The following DDX21 variants were observed in gnomAD, a reference collection of about 807,000 sequenced individuals.
DDX21 encodes nucleolar RNA helicase 2.
A neutral mutation model predicts 90.0 loss-of-function variants in DDX21; 18 were observed. The observed-to-expected ratio is 0.20, with a 90% CI of 0.14 to 0.30. The LOEUF (loss-of-function observed/expected upper bound fraction) is 0.30, where lower values mean the gene tolerates loss of function less well. Ranked by LOEUF, DDX21 falls within the 10% of genes least tolerant of loss-of-function variation. The pLI is 1.00. For synonymous variants in DDX21, 294 were observed against 318.0 expected, an observed-to-expected ratio of 0.92 and a Z score of 0.80; for missense variants, 673 against 944.5, an observed-to-expected ratio of 0.71 and a Z score of 3.77.
At chr10:68,972,117 A>G (rs1195418196) in intron 9 of DDX21, 65 bp downstream of exon 9, 1 of 1,531,582 alleles carries the variant, frequency 6.5e-7, no homozygotes, top group Admixed American at 2.0e-5. Flanking sequence ...CAAATTGGAA[A>G]TTGTATTATT....
In DDX21 at chr10:68,960,144, A is replaced by G; in HGVS notation, c.426A>G (p.Glu142=). 2 of 1,614,206 alleles carry G rather than the reference A, an allele frequency of 1.2e-6. No homozygotes were observed. The highest frequency in any genetic ancestry group is 2.2e-5 in the South Asian group (2 of 91,086). ...KMKKEKEMNG[E]TREKSPKLKN... ...AGAAAGAAAAGGAAATGAATGGAGA[A>G]ACTAGAGAGAAAAGCCCCAAACTGA... The change falls in exon 2 of 15, where the codon GAA becomes GAG. Residue 142 remains glutamate (E), a synonymous_variant. Transcript: ENST00000354185.
chr10:68,979,719 T>G (rs1262731893), intron 13 of DDX21, among the ~76,000 whole-genome samples: 1 of 152,208 alleles, frequency 6.6e-6, no homozygotes, highest in Non-Finnish European at 1.5e-5. Context: ...CGGATTTATC[T>G]TCAACTTATT....
At chr10:68,980,832 C>CAAAAAAA (rs11340675) in intron 13 of DDX21, among the ~76,000 whole-genome samples, 2 of 99,622 alleles carry the variant, frequency 2.0e-5, no homozygotes, top group Non-Finnish European at 2.1e-5. Context: ...CTGTCTCTAC[C>CAAAAAAA]AAAAAAAAAA....
rs987290671 is a variant in DDX21 at position 68,973,536 on chromosome 10, C to T, written c.1549-9C>T. The T allele has an allele frequency of 6.2e-7, 1 of 1,613,792 alleles. No homozygotes were observed. The highest frequency in any genetic ancestry group is 1.3e-5 in the African/African-American group (1 of 74,874). ...GGTTTAGTGTTACTCATGTATTTTA[C>T]TTCAATAGGATGTAGAGTCCTACAT... On this transcript the variant is annotated splice_polypyrimidine_tract_variant and intron_variant, in intron 9 of 14. Coordinates refer to ENST00000354185, the MANE Select transcript of DDX21 (RefSeq NM_004728.4).
intron 5 of DDX21, among the ~76,000 whole-genome samples, 182 bp from the exon 6 acceptor site, chr10:68,966,836 A>C (rs1396019856): frequency 6.6e-6 from 1 of 152,052 alleles, no homozygotes; most frequent in Non-Finnish European, 1.5e-5. Context: ...TTTCACTTCT[A>C]ATGTTTTTCC....
intron 14 of DDX21, among the ~76,000 whole-genome samples, chr10:68,981,875 A>ATG (rs1843197199): frequency 1.3e-5 from 2 of 150,634 alleles, no homozygotes; most frequent in Middle Eastern, 3.4e-3. Flanking sequence ...GTGTGTGTGC[A>ATG]TGTGTGTGTG....
Position 68,972,815 on chromosome 10 carries a change from T to C in DDX21, c.1549-730T>C, listed in dbSNP as rs76841121. Reference sequence around the variant, plus strand: ...TAACTTTTTATTATGCGGTCTGGATTTTGAAGACTTACGAAAAAATACAAA... The same window carrying C: ...TAACTTTTTATTATGCGGTCTGGATCTTGAAGACTTACGAAAAAATACAAA... On this transcript the variant is annotated intron_variant, in intron 9 of 14. Transcript: ENST00000354185. Among the ~76,000 whole-genome samples, 336 of 152,304 alleles carry C rather than the reference T, an allele frequency of 2.2e-3. 2 individuals are homozygous for C. Among genetic ancestry groups the C allele is most frequent in the African/African-American group, 7.6e-3 (314 of 41,562 alleles).
At chr10:68,970,500 T>C (rs1037532696) in intron 8 of DDX21, 150 bp downstream of exon 8, 4 of 858,838 alleles carry the variant, frequency 4.7e-6, no homozygotes, top group Non-Finnish European at 6.8e-6. Flanking sequence ...TTTTTTTTTT[T>C]TTTAATTGAG....
chr10:68,963,606 A>T, intron 4 of DDX21, 137 bp downstream of exon 4: 1 of 600,076 alleles, frequency 1.7e-6, no homozygotes, highest in Non-Finnish European at 2.7e-6. Flanking sequence ...ATGTGAAAGT[A>T]ATCCAGGACA....
chr10:68,973,647 C>G lies in DDX21; in HGVS notation c.1651C>G (p.Gln551Glu), dbSNP rs769025450. ...GCACAAGGAAGAATATCAGTTAGTA[C>G]AAGTGGAGCAAAAAGCGGTAAAACT... is the stretch of plus-strand genomic sequence containing the variant. ...YQHKEEYQLVQVEQKAGIKFK... is the reference protein window; with the variant it reads ...YQHKEEYQLVEVEQKAGIKFK... The change falls in exon 10 of 15, where the codon CAA becomes GAA. Residue 551 changes from glutamine (Q) to glutamate (E), a missense_variant. Coordinates refer to ENST00000354185, the MANE Select transcript of DDX21 (RefSeq NM_004728.4). The G allele has an allele frequency of 5.0e-6, 8 of 1,613,694 alleles. No individual in the cohort carries two copies. The highest frequency in any genetic ancestry group is 6.8e-6 in the Non-Finnish European group (8 of 1,179,826).
intron 8 of DDX21, among the ~76,000 whole-genome samples, chr10:68,970,955 A>ATT (rs56314802): frequency 0.082 from 5,917 of 72,558 alleles, 1,223 homozygotes; most frequent in Non-Finnish European, 0.11. Flanking sequence ...GCCCAGCCTA[A>ATT]TTTTTTTTTT....
At chr10:68,978,247 G>T (rs1377702985) in intron 12 of DDX21, among the ~76,000 whole-genome samples, 1 of 152,166 alleles carries the variant, frequency 6.6e-6, no homozygotes. Context: ...GGCTAGTAAT[G>T]GATGCAGGAT....
rs911222809 is a variant in DDX21, at chr10:68,984,189, A to G, written c.*1377A>G. 1.3e-5 allele frequency: 2 copies of G among 152,224 alleles called. No homozygotes were observed. Among genetic ancestry groups the G allele is most frequent in the African/African-American group, 4.8e-5 (2 of 41,444 alleles). 9.4% of individuals were successfully genotyped at this position (152,224 alleles called of 1,614,324 possible). A position where few individuals can be genotyped will look rare whatever the true frequency, so the allele number is the denominator to read the frequency against. On this transcript the variant is annotated 3_prime_UTR_variant, in exon 15 of 15. Coordinates refer to ENST00000354185, the MANE Select transcript of DDX21 (RefSeq NM_004728.4). The stretch of plus-strand genomic sequence containing the variant: ...CTGAGAATCCTGGAACTACTATGCT[A>G]GGAAATTTAAAGCTGCATGGTCTGT...
chr10:68,968,814 T>C (rs944995831), intron 6 of DDX21, among the ~76,000 whole-genome samples, 162 bp from the exon 7 acceptor site: 20 of 152,242 alleles, frequency 1.3e-4, no homozygotes, highest in African/African-American at 4.8e-4. Context: ...CTTTGCCCAT[T>C]GGGAAACCTC....
chr10:68,961,603 A>T (rs1205731650), intron 2 of DDX21, among the ~76,000 whole-genome samples: 2 of 152,192 alleles, frequency 1.3e-5, no homozygotes, highest in African/African-American at 4.8e-5. Context: ...AAATGTCTTG[A>T]AATCTACTTA....
rs1052127828 is a variant in DDX21 at position 68,985,032 on chromosome 10, T to C, written c.*2220T>C. 5.9e-5 allele frequency: 9 copies of C among 152,194 alleles called. No homozygotes were observed. The highest frequency in any genetic ancestry group is 1.0e-4 in the Non-Finnish European group (7 of 68,036). The allele number at this position is 152,194 out of a possible 1,614,324, so 9.4% of individuals were successfully genotyped here. On this transcript the variant is annotated 3_prime_UTR_variant, in exon 15 of 15. Coordinates refer to ENST00000354185, the MANE Select transcript of DDX21 (RefSeq NM_004728.4). ...CTATAAAATGAGCTAATGTATAAAA[T>C]ACTGCTGTATACCATAATAAAGATA...
intron 3 of DDX21, 25 bp downstream of exon 3, chr10:68,962,182 G>T: frequency 2.0e-6 from 3 of 1,525,078 alleles, no homozygotes; most frequent in South Asian, 1.2e-5. Context: ...AATATCGTAT[G>T]ATGTTAGAAC....
chr10:68,962,569 TCA>T (rs1378388546), intron 3 of DDX21, among the ~76,000 whole-genome samples: 3 of 151,766 alleles, frequency 2.0e-5, no homozygotes, highest in Non-Finnish European at 4.4e-5. Context: ...TGAACTGTGG[TCA>T]CACCACTGCA....
intron 7 of DDX21, 41 bp downstream of exon 7, chr10:68,969,162 T>A (rs1842985133): frequency 6.4e-7 from 1 of 1,563,696 alleles, no homozygotes; most frequent in African/African-American, 1.4e-5. Context: ...AAATTGTATA[T>A]ATTTTTTTCT....
Sources: allele counts gnomAD v4.1 joint callset (sites outside exome capture counted in the v4.1 genomes callset), GRCh38; gene constraint gnomAD v4.1.1; transcripts MANE v1.5; gene names NCBI Gene and HGNC (gene_info 2026-07-23, HGNC 2026-07-21).